Variants in THRAP3 observed in about 807,000 individuals in gnomAD.
The protein encoded by THRAP3 is thyroid hormone receptor associated protein 3.
A neutral mutation model predicts 101.0 loss-of-function variants in THRAP3; 16 were observed. The observed-to-expected ratio is 0.16, with a 90% CI of 0.11 to 0.24. THRAP3 has a LOEUF of 0.24. Among genes scored for constraint, THRAP3 ranks in the 10% least tolerant of loss-of-function variants. The pLI, the probability that THRAP3 is intolerant of heterozygous loss-of-function variation, is 1.00. For missense variants in THRAP3, 989 were observed against 1,202.7 expected (o/e 0.82, Z 2.63); for synonymous variants, 407 against 422.6 (o/e 0.96, Z 0.45).
rs1645562429 is a variant in THRAP3, at chr1:36,269,589, A to G, written c.-32+10105A>G. Among the ~76,000 whole-genome samples the G allele has an allele frequency of 2.0e-5, 3 of 152,202 alleles. No homozygotes were observed. In the South Asian group the frequency reaches 6.2e-4, roughly 32 times the overall value. On this transcript the variant is annotated intron_variant, in intron 2 of 11. Transcript: ENST00000354618. The stretch of plus-strand genomic sequence containing the variant: ...ATTCTCTTTTTAGATGTATTTGCAG[A>G]GCACACACGTGGAAAAGCACATAAC...
At chr1:36,234,299 G>T (rs534822973) in intron 1 of THRAP3, among the ~76,000 whole-genome samples, 1 of 152,222 alleles carries the variant, frequency 6.6e-6, no homozygotes, top group South Asian at 2.1e-4. Flanking sequence ...CCTACCCCAG[G>T]GTTTATTCAA....
intron 1 of THRAP3, among the ~76,000 whole-genome samples, chr1:36,237,459 A>C (rs1645103993): frequency 7.5e-6 from 1 of 134,074 alleles, no homozygotes; most frequent in African/African-American, 3.0e-5. Flanking sequence ...CAGGAGTGAA[A>C]CTTCATCTCA....
At chr1:36,258,766 A>G (rs908600830) in intron 1 of THRAP3, among the ~76,000 whole-genome samples, 6 of 152,360 alleles carry the variant, frequency 3.9e-5, no homozygotes, top group Admixed American at 3.9e-4. Context: ...GGCGTGAGCC[A>G]CTGCCCCTGT....
intron 2 of THRAP3, among the ~76,000 whole-genome samples, chr1:36,267,450 A>G (rs2124520222): frequency 6.6e-6 from 1 of 152,254 alleles, no homozygotes; most frequent in East Asian, 1.9e-4. Flanking sequence ...ACCAAATAAG[A>G]GTTTGTGGTT....
intron 8 of THRAP3, among the ~76,000 whole-genome samples, chr1:36,295,583 C>CCCTT (rs1327592032): frequency 2.4e-5 from 2 of 84,106 alleles, no homozygotes; most frequent in Non-Finnish European, 4.6e-5. Context: ...CTTCCCTCCT[C>CCCTT]CCTTCCTTCC....
At chr1:36,299,797 C>T (rs1187601195) in intron 9 of THRAP3, among the ~76,000 whole-genome samples, 1 of 152,210 alleles carries the variant, frequency 6.6e-6, no homozygotes, top group African/African-American at 2.4e-5. Flanking sequence ...GAGAGAGCCA[C>T]TACGCCCGGC....
chr1:36,220,972 A>AAAAAATATATATAT (rs1285765741), upstream of THRAP3, among the ~76,000 whole-genome samples: 1 of 94,144 alleles, frequency 1.1e-5, no homozygotes, highest in African/African-American at 4.7e-5. Context: ...AAAAAAAAAA[A>AAAAAATATATATAT]ATATATATAT....
Position 36,289,543 on chromosome 1 carries a change from C to T in THRAP3, c.1524C>T (p.Ser508=), listed in dbSNP as rs778735296. ...RSKKEDRGKR[S]EGGHRGFVPE... is the part of the protein sequence containing the mutation. ...AAAAGGAAGATCGGGGCAAGAGAAGCGAAGGTGGGCACAGGGGCTTTGTGC... is the reference window on the plus strand; with the variant it reads ...AAAAGGAAGATCGGGGCAAGAGAAGTGAAGGTGGGCACAGGGGCTTTGTGC... Residue 508 remains serine (S), a synonymous_variant, in exon 5 of 12, where the codon AGC becomes AGT. Transcript: ENST00000354618. 3.8e-5 allele frequency: 61 copies of T among 1,613,818 alleles called. No homozygotes were observed. Among genetic ancestry groups the T allele is most frequent in the Admixed American group, 2.3e-4 (14 of 59,960 alleles).
upstream of THRAP3, among the ~76,000 whole-genome samples, chr1:36,223,239 G>A (rs1317647723): frequency 1.3e-5 from 2 of 152,200 alleles, no homozygotes; most frequent in East Asian, 3.8e-4. Flanking sequence ...AGAGTAAGCC[G>A]TGTGCAAGGA....
the THRAP3 span, among the ~76,000 whole-genome samples, chr1:36,207,849 G>A: frequency 3.9e-5 from 6 of 152,058 alleles, no homozygotes; most frequent in East Asian, 1.9e-4. Context: ...TTGGAGTGCC[G>A]TGGCACGATC....
chr1:36,256,647 G>A (rs1645379651), intron 1 of THRAP3, among the ~76,000 whole-genome samples: 1 of 152,140 alleles, frequency 6.6e-6, no homozygotes, highest in Non-Finnish European at 1.5e-5. Flanking sequence ...ACATAATTAT[G>A]CTCCTATTTT....
Position 36,280,275 on chromosome 1 carries a change from T to A in THRAP3, c.-31-2258T>A, listed in dbSNP as rs565464261. On this transcript the variant is annotated intron_variant, in intron 2 of 11. Coordinates refer to ENST00000354618, the MANE Select transcript of THRAP3 (RefSeq NM_005119.4). ...TAAAATGAATTAATAAAAACACTGG[T>A]TAAGCATTTGCTATTCTGGGCGTTG... Among the ~76,000 whole-genome samples the A allele has an allele frequency of 3.3e-5, 5 of 152,364 alleles. No individual in the cohort carries two copies. The South Asian group carries it at 6.2e-4, about 19-fold the overall frequency.
intron 1 of THRAP3, among the ~76,000 whole-genome samples, chr1:36,251,661 T>C (rs976756023): frequency 3.9e-5 from 6 of 152,236 alleles, no homozygotes; most frequent in African/African-American, 1.2e-4. Context: ...AATTGTTTAA[T>C]GACCACATGA....
chr1:36,274,000 G>A (rs1322804187), intron 2 of THRAP3, among the ~76,000 whole-genome samples: 1 of 147,190 alleles, frequency 6.8e-6, no homozygotes, highest in Non-Finnish European at 1.5e-5. Flanking sequence ...CCAAGATCAC[G>A]CCACTGCACT....
chr1:36,232,044 C>G (rs1398178764), intron 1 of THRAP3, among the ~76,000 whole-genome samples: 2 of 151,894 alleles, frequency 1.3e-5, no homozygotes, highest in Non-Finnish European at 2.9e-5. Flanking sequence ...TGGCGAAACC[C>G]ATCTCTACTA....
At chr1:36,244,059 C>T (rs1194878586) in intron 1 of THRAP3, among the ~76,000 whole-genome samples, 12 of 151,976 alleles carry the variant, frequency 7.9e-5, no homozygotes, top group Admixed American at 6.5e-4. Context: ...GGCGGCTGGC[C>T]GGGCAGAGGG....
intron 1 of THRAP3, among the ~76,000 whole-genome samples, chr1:36,246,071 G>A (rs922665648): frequency 6.6e-6 from 1 of 152,156 alleles, no homozygotes; most frequent in African/African-American, 2.4e-5. Context: ...AGATGAAACA[G>A]ATCCAGGATT....
At position 36,300,804 on chromosome 1, in the gene THRAP3, C is replaced by G. The variant is rs1046066617; in HGVS notation, c.2304-82C>G. 6 of 1,397,018 alleles carry G rather than the reference C, an allele frequency of 4.3e-6. No individual in the cohort carries two copies. In the African/African-American group the frequency reaches 7.1e-5, roughly 17 times the overall value. 86.5% of individuals were successfully genotyped at this position (1,397,018 alleles called of 1,614,324 possible). Reference sequence around the variant, plus strand: ...TCCATCACAGGCATACTTTTGATTGCCCTGTGCTTATCCATGAGGCCCCAG... The same window carrying G: ...TCCATCACAGGCATACTTTTGATTGGCCTGTGCTTATCCATGAGGCCCCAG... On this transcript the variant is annotated intron_variant, in intron 9 of 11. Coordinates refer to ENST00000354618, the MANE Select transcript of THRAP3 (RefSeq NM_005119.4).
chr1:36,289,853 C>T lies in THRAP3; in HGVS notation c.1745+89C>T. The T allele has an allele frequency of 2.0e-6, 3 of 1,477,266 alleles. No homozygotes were observed. The South Asian group carries it at 4.2e-5, about 21-fold the overall frequency. 91.5% of individuals were successfully genotyped at this position (1,477,266 alleles called of 1,614,324 possible). Reference sequence around the variant, plus strand: ...CTCCCTGGGGACATTCTGCTGTATTCCCCCTTCTGTCTTAAGCTTCAGTGG... The same window carrying T: ...CTCCCTGGGGACATTCTGCTGTATTTCCCCTTCTGTCTTAAGCTTCAGTGG... On this transcript the variant is annotated intron_variant, in intron 5 of 11. Coordinates refer to ENST00000354618, the MANE Select transcript of THRAP3 (RefSeq NM_005119.4).
Sources: gnomAD v4.1 joint callset for allele counts (sites outside exome capture counted in the v4.1 genomes callset) on GRCh38, gnomAD v4.1.1 for gene constraint, MANE v1.5 for transcripts, NCBI Gene and HGNC (gene_info 2026-07-23, HGNC 2026-07-21) for gene names.